The following WNT9A variants were observed in gnomAD, a reference collection of about 807,000 sequenced individuals.
The protein encoded by WNT9A is Wnt family member 9A.
A neutral mutation model predicts 31.4 loss-of-function variants in WNT9A; 8 were observed. The ratio of observed to expected loss-of-function variants is 0.26; its 90% CI spans 0.15 to 0.46. WNT9A has a LOEUF of 0.46. WNT9A is among the 20% of genes least tolerant of loss of function. WNT9A has a pLI of 0.99. For synonymous variants in WNT9A, 236 were observed against 220.1 expected, an observed-to-expected ratio of 1.07 and a Z score of -0.64; for missense variants, 457 against 522.9, an observed-to-expected ratio of 0.87 and a Z score of 1.23.
chr1:227,934,455 A>C (rs1666557531), intron 1 of WNT9A, among the ~76,000 whole-genome samples: 1 of 152,182 alleles, frequency 6.6e-6, no homozygotes, highest in Admixed American at 6.5e-5. Context: ...TGTCTGAAGA[A>C]TCTGTAGGGA....
intron 1 of WNT9A, among the ~76,000 whole-genome samples, chr1:227,947,111 C>T (rs1043970786): frequency 1.3e-5 from 2 of 152,178 alleles, no homozygotes; most frequent in Admixed American, 1.3e-4. Flanking sequence ...AAGAGAGAGA[C>T]GCGCCGACAG....
rs372262779 is a variant in WNT9A, at chr1:227,942,882, G to A, written c.95+4911C>T. 3.3e-5 allele frequency among the ~76,000 whole-genome samples: 5 copies of A among 152,158 alleles called. No individual in the cohort carries two copies. The highest frequency in any genetic ancestry group is 2.6e-4 in the Admixed American group (4 of 15,282). On this transcript the variant is annotated intron_variant, in intron 1 of 3. Coordinates refer to ENST00000272164, the MANE Select transcript of WNT9A (RefSeq NM_003395.4). This position sits in a 1 kb window ranked among gnomAD's most constrained non-coding sequence, Gnocchi z 5.7. ...CAGCCATGGGGTCACCCCAGATGCC[G>A]CCTTCTTGCCAGCTCCTTCCCAGGC...
intron 1 of WNT9A, among the ~76,000 whole-genome samples, chr1:227,931,293 T>C (rs1358764475): frequency 6.6e-6 from 1 of 152,160 alleles, no homozygotes; most frequent in East Asian, 1.9e-4. Flanking sequence ...GATAGTGTCT[T>C]CCTAGGATTT....
At chr1:227,934,853 G>C (rs1449107101) in intron 1 of WNT9A, among the ~76,000 whole-genome samples, 1 of 148,078 alleles carries the variant, frequency 6.8e-6, no homozygotes, top group Non-Finnish European at 1.5e-5. Flanking sequence ...ATAGCCTCAG[G>C]TAAGCTCAAG....
chr1:227,929,258 C>A (rs1666470432), intron 1 of WNT9A, among the ~76,000 whole-genome samples: 1 of 151,752 alleles, frequency 6.6e-6, no homozygotes, highest in Admixed American at 6.6e-5. Flanking sequence ...AGCAAGACCC[C>A]ATCTCAAGAA....
chr1:227,930,306 G>A (rs1342990255), intron 1 of WNT9A, among the ~76,000 whole-genome samples: 1 of 152,204 alleles, frequency 6.6e-6, no homozygotes, highest in Non-Finnish European at 1.5e-5. Flanking sequence ...CTCAGCAGGG[G>A]CTGCATGTGC....
At position 227,925,233 on chromosome 1, in the gene WNT9A, C is replaced by G; in HGVS notation, c.352+30G>C. 1 of 1,509,644 alleles carries G rather than the reference C, an allele frequency of 6.6e-7. No homozygotes were observed. The highest frequency in any genetic ancestry group is 8.9e-7 in the Non-Finnish European group (1 of 1,126,114). The allele number at this position is 1,509,644 out of a possible 1,614,324, so 93.5% of individuals were successfully genotyped here. A position where few individuals can be genotyped will look rare whatever the true frequency, so the allele number is the denominator to read the frequency against. On this transcript the variant is annotated intron_variant, in intron 2 of 3. Coordinates refer to ENST00000272164, the MANE Select transcript of WNT9A (RefSeq NM_003395.4). The surrounding 1 kb of genome is among the most constrained non-coding windows in gnomAD (Gnocchi z 6.0). The stretch of plus-strand genomic sequence containing the variant: ...GCCTGGGCTGCCACCTGTCTGGGGC[C>G]TTCCTGAGGGCCAGGCCGGCCACAC...
At chr1:227,947,519 A>G (rs892030622) in intron 1 of WNT9A, among the ~76,000 whole-genome samples, 4 of 151,668 alleles carry the variant, frequency 2.6e-5, no homozygotes, top group Admixed American at 6.6e-5. Context: ...AGCGCGAGGC[A>G]GTCCTGCTCA....
rs539090755 is a variant in WNT9A, at chr1:227,922,007, G to C, written c.616-7C>G. On this transcript the variant is annotated splice_region_variant and splice_polypyrimidine_tract_variant and intron_variant, in intron 3 of 3. Coordinates refer to ENST00000272164, the MANE Select transcript of WNT9A (RefSeq NM_003395.4). The stretch of plus-strand genomic sequence containing the variant: ...CCACCCCAGCCTTGATCACCTGGCA[G>C]AAGGGTGCGGGAGGGAGGGCAGTGT... 8.8e-5 allele frequency: 141 copies of C among 1,599,176 alleles called. 1 individual carries two copies. In the South Asian group the frequency reaches 1.5e-3, roughly 17 times the overall value.
chr1:227,937,634 C>T (rs1350209621), intron 1 of WNT9A, among the ~76,000 whole-genome samples: 1 of 152,232 alleles, frequency 6.6e-6, no homozygotes, highest in African/African-American at 2.4e-5. Flanking sequence ...CGTAAAGTGG[C>T]CAGTCAACCA....
intron 1 of WNT9A, among the ~76,000 whole-genome samples, 167 bp downstream of exon 1, chr1:227,947,626 A>C (rs1666815875): frequency 6.6e-6 from 1 of 151,762 alleles, no homozygotes; most frequent in African/African-American, 2.4e-5. Context: ...CGTGCCGCGC[A>C]GCGGACGGAG....
At chr1:227,939,927 G>A (rs1268251738) in intron 1 of WNT9A, among the ~76,000 whole-genome samples, 5 of 152,226 alleles carry the variant, frequency 3.3e-5, no homozygotes, top group African/African-American at 9.7e-5. Flanking sequence ...CACGTCTGCT[G>A]TGTCCCTCAG....
chr1:227,944,857 G>T (rs1483677182), intron 1 of WNT9A, among the ~76,000 whole-genome samples: 3 of 152,182 alleles, frequency 2.0e-5, no homozygotes, highest in African/African-American at 7.2e-5. Flanking sequence ...ACAGCCTCAG[G>T]GTCTTTAAAA....
intron 1 of WNT9A, among the ~76,000 whole-genome samples, chr1:227,936,296 G>A (rs950106398): frequency 6.6e-6 from 1 of 151,946 alleles, no homozygotes; most frequent in Non-Finnish European, 1.5e-5. Flanking sequence ...TCAAGCGATT[G>A]TTCCTGCCTC....
In WNT9A at chr1:227,924,624, C is replaced by T. The variant is rs114552076; in HGVS notation, c.353-224G>A. 6.7e-3 allele frequency among the ~76,000 whole-genome samples: 1,014 copies of T among 152,204 alleles called. 6 individuals carry two copies. Among genetic ancestry groups the T allele is most frequent in the African/African-American group, 0.023 (962 of 41,560 alleles). On this transcript the variant is annotated intron_variant, in intron 2 of 3. Transcript: ENST00000272164. Reference sequence around the variant, plus strand: ...CTGGCTGGGGGGAGAAACCAGAGCCCGCCATGGCCATGGCTCCGGCTCCGT... The same window carrying T: ...CTGGCTGGGGGGAGAAACCAGAGCCTGCCATGGCCATGGCTCCGGCTCCGT...
chr1:227,933,239 G>A (rs1028532410), intron 1 of WNT9A, among the ~76,000 whole-genome samples: 2 of 152,162 alleles, frequency 1.3e-5, no homozygotes, highest in African/African-American at 4.8e-5. Flanking sequence ...TACAGAGACC[G>A]CTTCTTTCCT....
chr1:227,933,283 C>T (rs1442585259), intron 1 of WNT9A, among the ~76,000 whole-genome samples: 4 of 152,214 alleles, frequency 2.6e-5, no homozygotes, highest in African/African-American at 7.2e-5. Flanking sequence ...TTTGCTTCCA[C>T]CTTTTTTTCT....
At position 227,921,225 on chromosome 1, in the gene WNT9A, G is replaced by A; in HGVS notation, c.*293C>T. 2.3e-6 allele frequency: 1 copy of A among 437,242 alleles called. No individual in the cohort carries two copies. Among genetic ancestry groups the A allele is most frequent in the Non-Finnish European group, 4.1e-6 (1 of 242,292 alleles). 27.1% of individuals were successfully genotyped at this position (437,242 alleles called of 1,614,324 possible). ...TGCAATGCCTGTGCCATGTGCAGCA[G>A]GGCTGACTGGGCCCAGGGATTCAGC... On this transcript the variant is annotated 3_prime_UTR_variant, in exon 4 of 4. Transcript: ENST00000272164.
intron 1 of WNT9A, among the ~76,000 whole-genome samples, chr1:227,931,903 A>G (rs686533): frequency 0.52 from 75,073 of 145,510 alleles, 19,184 homozygotes; most frequent in African/African-American, 0.58. Flanking sequence ...TTGTATCTTT[A>G]GTAGAGACAG....
Sources: gnomAD v4.1 joint callset for allele counts (sites outside exome capture counted in the v4.1 genomes callset) on GRCh38, gnomAD v4.1.1 for gene constraint, Gnocchi (gnomAD v3.1) non-coding constraint, MANE v1.5 for transcripts, NCBI Gene and HGNC (gene_info 2026-07-23, HGNC 2026-07-21) for gene names.